TMEM200A: variants seen among roughly 807,000 people sequenced by gnomAD.
The protein encoded by TMEM200A is transmembrane protein 200A.
TMEM200A carries 12 observed loss-of-function variants against 24.3 expected under a neutral mutation model. That is an observed-to-expected ratio of 0.49 (90% CI 0.32 to 0.80). The LOEUF (loss-of-function observed/expected upper bound fraction) is 0.80, where lower values mean the gene tolerates loss of function less well. Among genes scored for constraint, TMEM200A ranks in the 30% least tolerant of loss-of-function variants. TMEM200A has a pLI of 0.04. For synonymous variants in TMEM200A, 224 were observed against 224.4 expected, an observed-to-expected ratio of 1.00 and a Z score of 0.02; for missense variants, 545 against 614.4, an observed-to-expected ratio of 0.89 and a Z score of 1.19.
chr6:130,375,737 C>T (rs1778441362), intron 1 of TMEM200A, among the ~76,000 whole-genome samples: 2 of 152,222 alleles, frequency 1.3e-5, no homozygotes, highest in Non-Finnish European at 1.5e-5. Flanking sequence ...ACTCAGTGCA[C>T]TGGAAAGCCA....
chr6:130,396,426 A>G (rs1211239986), intron 2 of TMEM200A, among the ~76,000 whole-genome samples: 1 of 151,424 alleles, frequency 6.6e-6, no homozygotes, highest in Non-Finnish European at 1.5e-5. Flanking sequence ...TGTAAAGAAT[A>G]AAATATCTCA....
At chr6:130,381,383 G>C (rs1230501432) in intron 1 of TMEM200A, among the ~76,000 whole-genome samples, 2 of 151,972 alleles carry the variant, frequency 1.3e-5, no homozygotes, top group African/African-American at 2.4e-5. Context: ...ATATAGTTTT[G>C]TTTTTTTTAA....
intron 2 of TMEM200A, among the ~76,000 whole-genome samples, chr6:130,400,236 A>T (rs755615863): frequency 6.6e-6 from 1 of 152,012 alleles, no homozygotes; most frequent in South Asian, 2.1e-4. Flanking sequence ...TTTTCGAATA[A>T]TGACTTCTTT....
intron 2 of TMEM200A, among the ~76,000 whole-genome samples, chr6:130,407,808 T>A (rs148833897): frequency 0.026 from 3,973 of 152,308 alleles, 81 homozygotes; most frequent in Middle Eastern, 0.051. Flanking sequence ...GGAGCCTGAC[T>A]CTCACAAACT....
intron 2 of TMEM200A, among the ~76,000 whole-genome samples, chr6:130,389,654 T>C (rs1778791065): frequency 6.8e-6 from 1 of 147,532 alleles, no homozygotes; most frequent in Admixed American, 6.8e-5. Flanking sequence ...ATAATAACAA[T>C]AATATAGCTT....
chr6:130,394,611 G>A (rs1778907957), intron 2 of TMEM200A, among the ~76,000 whole-genome samples: 1 of 152,174 alleles, frequency 6.6e-6, no homozygotes. Context: ...TTCTCTTCAT[G>A]TCTGGCTGAC....
chr6:130,412,193 T>C (rs1025268941), intron 2 of TMEM200A, among the ~76,000 whole-genome samples: 138 of 148,902 alleles, frequency 9.3e-4, no homozygotes, highest in African/African-American at 3.3e-3. Flanking sequence ...AGCCTGATTT[T>C]TTTTTTTTTT....
At chr6:130,413,208 G>T (rs1444685737) in intron 2 of TMEM200A, among the ~76,000 whole-genome samples, 2 of 152,190 alleles carry the variant, frequency 1.3e-5, no homozygotes, top group Non-Finnish European at 2.9e-5. Flanking sequence ...TTCTAGCCCA[G>T]ATCTTGCCCC....
At chr6:130,375,304 G>A (rs1778426622) in intron 1 of TMEM200A, among the ~76,000 whole-genome samples, 1 of 152,148 alleles carries the variant, frequency 6.6e-6, no homozygotes, top group Admixed American at 6.5e-5. Context: ...GCAGAACACT[G>A]TGTAGGAATT....
At chr6:130,378,520 G>C (rs995621158) in intron 1 of TMEM200A, among the ~76,000 whole-genome samples, 1 of 151,848 alleles carries the variant, frequency 6.6e-6, no homozygotes. Context: ...TCAGGAGATC[G>C]AGACCATCCT....
chr6:130,420,355 C>T (rs969297689), intron 2 of TMEM200A, among the ~76,000 whole-genome samples: 14 of 152,084 alleles, frequency 9.2e-5, no homozygotes, highest in African/African-American at 3.4e-4. Flanking sequence ...TTTGGCCAGT[C>T]CCTCTTCCAC....
chr6:130,431,629 C>T (rs1444350257), intron 2 of TMEM200A, among the ~76,000 whole-genome samples: 1 of 152,130 alleles, frequency 6.6e-6, no homozygotes, highest in East Asian at 1.9e-4. Flanking sequence ...CACAGGGTCT[C>T]AGCAGGGTGT....
intron 2 of TMEM200A, among the ~76,000 whole-genome samples, chr6:130,407,715 A>G (rs1222512256): frequency 5.9e-5 from 9 of 152,218 alleles, no homozygotes; most frequent in Non-Finnish European, 1.3e-4. Flanking sequence ...GGAAAAAACT[A>G]AGCAGACAAA....
intron 1 of TMEM200A, among the ~76,000 whole-genome samples, chr6:130,380,250 TTA>T (rs1247689712): frequency 3.3e-5 from 5 of 152,328 alleles, no homozygotes; most frequent in African/African-American, 1.2e-4. Flanking sequence ...CATCTGAAGG[TTA>T]ATTTCATGAT....
Position 130,443,009 on chromosome 6 carries a change from A to T in TMEM200A, c.*1111A>T, listed in dbSNP as rs1161088491. The T allele has an allele frequency of 6.0e-6, 1 of 166,912 alleles. No homozygotes were observed. Among genetic ancestry groups the T allele is most frequent in the Non-Finnish European group, 1.5e-5 (1 of 68,096 alleles). 10.3% of individuals were successfully genotyped at this position (166,912 alleles called of 1,614,324 possible). A position where few individuals can be genotyped will look rare whatever the true frequency, so the allele number is the denominator to read the frequency against. ...TACGGTATAATACATGTTGTTTAGG[A>T]TTGTGTTTCTTAGTCACTGAAGATA... On this transcript the variant is annotated 3_prime_UTR_variant, in exon 3 of 3. Transcript: ENST00000296978.
At chr6:130,402,326 T>A (rs933122772) in intron 2 of TMEM200A, among the ~76,000 whole-genome samples, 2 of 152,012 alleles carry the variant, frequency 1.3e-5, no homozygotes, top group African/African-American at 4.8e-5. Context: ...GACAACGCTG[T>A]TCATGGAAAA....
intron 2 of TMEM200A, chr6:130,438,055 GC>G (rs901479265): frequency 1.3e-5 from 2 of 152,154 alleles, no homozygotes; most frequent in African/African-American, 4.8e-5. Context: ...AAATAACTGG[GC>G]TAGAGGGCTG....
chr6:130,393,185 G>A (rs1443857055), intron 2 of TMEM200A, among the ~76,000 whole-genome samples: 1 of 152,180 alleles, frequency 6.6e-6, no homozygotes, highest in Non-Finnish European at 1.5e-5. Context: ...CTTATCAGAG[G>A]TCCTAGCTGA....
intron 1 of TMEM200A, chr6:130,383,073 A>G: frequency 1.0e-6 from 1 of 985,284 alleles, no homozygotes; most frequent in Non-Finnish European, 1.2e-6. Context: ...CATGGCCTAC[A>G]TCTATTTGCT....
Sources: allele counts gnomAD v4.1 joint callset (sites outside exome capture counted in the v4.1 genomes callset), GRCh38; gene constraint gnomAD v4.1.1; transcripts MANE v1.5; gene names NCBI Gene and HGNC (gene_info 2026-07-23, HGNC 2026-07-21).